The following MED20 variants were observed in gnomAD, a reference collection of about 807,000 sequenced individuals.
The protein encoded by MED20 is mediator of RNA polymerase II transcription subunit 20.
A neutral mutation model predicts 19.7 loss-of-function variants in MED20; 19 were observed. That is an observed-to-expected ratio of 0.96 (90% confidence interval 0.67 to 1.42). The LOEUF (loss-of-function observed/expected upper bound fraction) is 1.42, where lower values mean the gene tolerates loss of function less well. Ranked by LOEUF, MED20 falls within the 40% of genes most tolerant of loss-of-function variation. MED20 has a pLI of 0.00. For synonymous variants in MED20, 105 were observed against 104.8 expected (o/e 1.00, Z -0.01); for missense variants, 225 against 273.0 (o/e 0.82, Z 1.24).
chr6:41,911,997 C>T (rs1775206508), intron 2 of MED20, among the ~76,000 whole-genome samples: 2 of 151,732 alleles, frequency 1.3e-5, no homozygotes, highest in Non-Finnish European at 1.5e-5. Flanking sequence ...TGTGTGTGTG[C>T]GCTTAATGAA....
chr6:41,920,787 AC>A lies in MED20; in HGVS notation c.14+217del. ...CCCGTCTTAAAAAAAACAAAACAAA[AC>A]AAAAAAAAAACCTTTGCTTTCCCGC... On this transcript the variant is annotated intron_variant, in intron 1 of 3. Transcript: ENST00000265350. The A allele has an allele frequency of 7.4e-5, 37 of 499,698 alleles. No individual in the cohort carries two copies. The East Asian group carries it at 1.0e-3, about 14-fold the overall frequency. The allele number at this position is 499,698 out of a possible 1,614,324, so 31.0% of individuals were successfully genotyped here.
intron 1 of MED20, among the ~76,000 whole-genome samples, chr6:41,919,476 A>G (rs975413974): frequency 2.0e-5 from 3 of 152,118 alleles, no homozygotes; most frequent in African/African-American, 7.2e-5. Flanking sequence ...CTACTCTATC[A>G]GAAAAAAACA....
At chr6:41,915,938 G>A (rs959504047) in intron 2 of MED20, among the ~76,000 whole-genome samples, 5 of 152,106 alleles carry the variant, frequency 3.3e-5, no homozygotes, top group African/African-American at 1.2e-4. Flanking sequence ...AACTACTTGT[G>A]TATCAACTAT....
Position 41,917,883 on chromosome 6 carries a change from T to A in MED20, c.15-944A>T, listed in dbSNP as rs557348733. The stretch of plus-strand genomic sequence containing the variant: ...TATTGGACACTGTTGTTAGAGAACA[T>A]TTCCATCATCACAGAAAGTGCTATT... On this transcript the variant is annotated intron_variant, in intron 1 of 3. Coordinates refer to ENST00000265350, the MANE Select transcript of MED20 (RefSeq NM_004275.5). 1.3e-4 allele frequency: 54 copies of A among 420,326 alleles called. No individual in the cohort carries two copies. The East Asian group carries it at 4.0e-3, about 31-fold the overall frequency. The allele number at this position is 420,326 out of a possible 1,614,324, so 26.0% of individuals were successfully genotyped here.
chr6:41,910,632 CA>C (rs34810607), intron 2 of MED20, among the ~76,000 whole-genome samples: 174 of 128,330 alleles, frequency 1.4e-3, no homozygotes, highest in African/African-American at 2.6e-3. Flanking sequence ...ACTCTATCTC[CA>C]AAAAAAAAAA....
intron 1 of MED20, chr6:41,917,290 C>A (rs1775339076): frequency 1.2e-5 from 2 of 173,818 alleles, no homozygotes; most frequent in South Asian, 2.3e-4. Flanking sequence ...ATCCCAACTA[C>A]GTGGGAGGCT....
At position 41,920,769 on chromosome 6, in the gene MED20, T is replaced by TA. The variant is rs550959409; in HGVS notation, c.14+235dup. On this transcript the variant is annotated intron_variant, in intron 1 of 3. Coordinates refer to ENST00000265350, the MANE Select transcript of MED20 (RefSeq NM_004275.5). Reference sequence around the variant, plus strand: ...CTGGCGACAGAGCGAGACCCCGTCTTAAAAAAAACAAAACAAAACAAAAAA... The same window carrying TA: ...CTGGCGACAGAGCGAGACCCCGTCTTAAAAAAAAACAAAACAAAACAAAAAA... 3.1e-3 allele frequency: 1,382 copies of TA among 451,186 alleles called. 20 individuals are homozygous for TA. In the South Asian group the frequency reaches 0.034, roughly 11 times the overall value. The allele number at this position is 451,186 out of a possible 1,614,324, so 27.9% of individuals were successfully genotyped here.
At chr6:41,917,679 C>T (rs1364299622) in intron 1 of MED20, 11 of 443,628 alleles carry the variant, frequency 2.5e-5, no homozygotes, top group East Asian at 7.2e-5. Flanking sequence ...AGATGACACA[C>T]GGACTGAGAA....
At chr6:41,919,176 A>G (rs1465738769) in intron 1 of MED20, among the ~76,000 whole-genome samples, 1 of 151,700 alleles carries the variant, frequency 6.6e-6, no homozygotes, top group Non-Finnish European at 1.5e-5. Context: ...TACAGCACAA[A>G]GAGGTTAAAT....
rs1775046426 is a variant in MED20 at position 41,906,322 on chromosome 6, G to A, written c.*750C>T. ...ATGGGTAAGAAAACATACTGGGAATGGCTGAATAAGACAGAAGGAAACAAA... is the reference window on the plus strand; with the variant it reads ...ATGGGTAAGAAAACATACTGGGAATAGCTGAATAAGACAGAAGGAAACAAA... On this transcript the variant is annotated 3_prime_UTR_variant, in exon 4 of 4. Coordinates refer to ENST00000265350, the MANE Select transcript of MED20 (RefSeq NM_004275.5). The A allele has an allele frequency of 6.6e-6, 1 of 152,162 alleles. No homozygotes were observed. Among genetic ancestry groups the A allele is most frequent in the Non-Finnish European group, 1.5e-5 (1 of 68,042 alleles). 9.4% of individuals were successfully genotyped at this position (152,162 alleles called of 1,614,324 possible).
chr6:41,910,587 G>A (rs1198336980), intron 2 of MED20, among the ~76,000 whole-genome samples: 1 of 149,562 alleles, frequency 6.7e-6, no homozygotes, highest in Non-Finnish European at 1.5e-5. Context: ...AGTTGAGAGC[G>A]TGTCACTGCA....
At chr6:41,920,788 C>CAAA in intron 1 of MED20, 1 of 454,850 alleles carries the variant, frequency 2.2e-6, no homozygotes, top group Non-Finnish European at 3.8e-6. Context: ...CAAAACAAAA[C>CAAA]AAAAAAAAAA....
At chr6:41,911,724 T>C (rs1201639972) in intron 2 of MED20, among the ~76,000 whole-genome samples, 1 of 152,098 alleles carries the variant, frequency 6.6e-6, no homozygotes, top group African/African-American at 2.4e-5. Context: ...GGCTTCCCTA[T>C]ACAGGCTGCT....
chr6:41,909,210 A>C, intron 3 of MED20, 59 bp downstream of exon 3: 1 of 1,551,498 alleles, frequency 6.4e-7, no homozygotes. Context: ...AAATCTTCAG[A>C]GCCCTTTGCT....
intron 2 of MED20, among the ~76,000 whole-genome samples, chr6:41,913,341 G>T (rs1775242879): frequency 6.6e-6 from 1 of 152,074 alleles, no homozygotes; most frequent in Admixed American, 6.6e-5. Context: ...GCTCTTTCCT[G>T]CCTGCCATGA....
intron 2 of MED20, among the ~76,000 whole-genome samples, chr6:41,916,035 C>A (rs973775621): frequency 1.3e-5 from 2 of 151,772 alleles, no homozygotes; most frequent in Non-Finnish European, 2.9e-5. Context: ...TCCCTTGAGG[C>A]CAGGAATTCA....
At chr6:41,917,806 A>C (rs1179073615) in intron 1 of MED20, 1 of 471,358 alleles carries the variant, frequency 2.1e-6, no homozygotes, top group Admixed American at 2.3e-5. Flanking sequence ...AACTCTGTGA[A>C]CTTGAGCTGT....
At chr6:41,918,451 C>G (rs1233164779) in intron 1 of MED20, among the ~76,000 whole-genome samples, 2 of 150,976 alleles carry the variant, frequency 1.3e-5, no homozygotes, top group Non-Finnish European at 2.9e-5. Flanking sequence ...TTGCAGTGAG[C>G]CAAGATCGCA....
chr6:41,905,824 C>T lies in MED20; in HGVS notation c.*1248G>A, dbSNP rs1402976327. ...GGTATCAGGGTCAAGTATTCTAACC[C>T]TAAGATCAGGGTGCATGAGAACTGG... On this transcript the variant is annotated 3_prime_UTR_variant, in exon 4 of 4. Coordinates refer to ENST00000265350, the MANE Select transcript of MED20 (RefSeq NM_004275.5). 3 of 152,152 alleles carry T rather than the reference C, an allele frequency of 2.0e-5. No homozygotes were observed. Among genetic ancestry groups the T allele is most frequent in the Non-Finnish European group, 4.4e-5 (3 of 68,046 alleles). The allele number at this position is 152,152 out of a possible 1,614,324, so 9.4% of individuals were successfully genotyped here.
Sources: gnomAD v4.1 joint callset for allele counts (sites outside exome capture counted in the v4.1 genomes callset) on GRCh38, gnomAD v4.1.1 for gene constraint, MANE v1.5 for transcripts, NCBI Gene and HGNC (gene_info 2026-07-23, HGNC 2026-07-21) for gene names.